The following SPOP variants were observed in gnomAD, a reference collection of about 807,000 sequenced individuals.
SPOP encodes the protein speckle type BTB/POZ protein.
A neutral mutation model predicts 45.6 loss-of-function variants in SPOP; 11 were observed. The ratio of observed to expected loss-of-function variants is 0.24; its 90% CI spans 0.15 to 0.40. The LOEUF is 0.40. Among genes scored for constraint, SPOP ranks in the 10% least tolerant of loss-of-function variants. SPOP has a pLI of 1.00. For synonymous variants in SPOP, 166 were observed against 166.3 expected (o/e 1.00, Z 0.01); for missense variants, 152 against 465.6 (o/e 0.33, Z 6.20).
Position 49,619,322 on chromosome 17 carries a change from C to A in SPOP, c.264G>T (p.Leu88=), listed in dbSNP as rs1294614519. Residue 88 remains leucine, a synonymous_variant, in exon 4 of 10, where the codon CTG becomes CTT. Coordinates refer to ENST00000504102, the MANE Select transcript of SPOP (RefSeq NM_001007228.2). This position sits in a 1 kb window ranked among gnomAD's most constrained non-coding sequence, Gnocchi z 4.9. Reference sequence around the variant, plus strand: ...CACTCTTTGGACAGCTGACCAGTAACAGGTAAAGTGACAGGTAATCTTTGC... The same window carrying A: ...CACTCTTTGGACAGCTGACCAGTAAAAGGTAAAGTGACAGGTAATCTTTGC... ...EESKDYLSLY[L]LLVSCPKSEV... 1 of 1,614,042 alleles carries A rather than the reference C, an allele frequency of 6.2e-7. No homozygotes were observed. Among genetic ancestry groups the A allele is most frequent in the Admixed American group, 1.7e-5 (1 of 60,004 alleles).
At chr17:49,654,178 T>G (rs914180986) in intron 1 of SPOP, among the ~76,000 whole-genome samples, 14 of 152,202 alleles carry the variant, frequency 9.2e-5, no homozygotes, top group African/African-American at 3.4e-4. Context: ...ATCCCCCAAT[T>G]AAATAGGACA....
rs2071758295 is a variant in SPOP, at chr17:49,602,457, G to A, written c.838-450C>T. On this transcript the variant is annotated intron_variant, in intron 8 of 9. Transcript: ENST00000504102. Reference sequence around the variant, plus strand: ...TCTGTGGGGAAGGGTGAAAGAATTGGTGTCTACCCTGTGAAATCCCTTATT... The same window carrying A: ...TCTGTGGGGAAGGGTGAAAGAATTGATGTCTACCCTGTGAAATCCCTTATT... 2 of 156,020 alleles carry A rather than the reference G, an allele frequency of 1.3e-5. 1 individual carries two copies. Among genetic ancestry groups the A allele is most frequent in the South Asian group, 3.9e-4 (2 of 5,120 alleles). 9.7% of individuals were successfully genotyped at this position (156,020 alleles called of 1,614,324 possible).
At chr17:49,643,365 C>T (rs2072694323) in intron 1 of SPOP, among the ~76,000 whole-genome samples, 1 of 152,096 alleles carries the variant, frequency 6.6e-6, no homozygotes, top group African/African-American at 2.4e-5. Flanking sequence ...GAATAAGGCA[C>T]AGTGGATTAA....
chr17:49,603,977 A>C (rs1337955216), intron 8 of SPOP, among the ~76,000 whole-genome samples: 3 of 152,220 alleles, frequency 2.0e-5, no homozygotes, highest in Non-Finnish European at 4.4e-5. Context: ...AAACTAAGGG[A>C]CATGGCAGAA....
chr17:49,646,657 A>G (rs913231152), intron 1 of SPOP: 4 of 152,198 alleles, frequency 2.6e-5, no homozygotes, highest in African/African-American at 9.7e-5. Context: ...GCAGTATTCA[A>G]TGTTTCACAG....
At position 49,600,166 on chromosome 17, in the gene SPOP, G is replaced by A; in HGVS notation, c.*212C>T. Reference sequence around the variant, plus strand: ...TCAGCCAGGCCAAAGGGAACACAGTGACGCAGCAACAGGGTTTTCATTTCA... The same window carrying A: ...TCAGCCAGGCCAAAGGGAACACAGTAACGCAGCAACAGGGTTTTCATTTCA... On this transcript the variant is annotated 3_prime_UTR_variant, in exon 10 of 10. Coordinates refer to ENST00000504102, the MANE Select transcript of SPOP (RefSeq NM_001007228.2). The surrounding 1 kb of genome is among the most constrained non-coding windows in gnomAD (Gnocchi z 4.2). 1 of 660,128 alleles carries A rather than the reference G, an allele frequency of 1.5e-6. No homozygotes were observed. The highest frequency in any genetic ancestry group is 1.8e-5 in the South Asian group (1 of 54,634). The allele number at this position is 660,128 out of a possible 1,614,324, so 40.9% of individuals were successfully genotyped here.
intron 1 of SPOP, among the ~76,000 whole-genome samples, chr17:49,629,723 T>C (rs1233172994): frequency 6.6e-6 from 1 of 152,222 alleles, no homozygotes; most frequent in African/African-American, 2.4e-5. Flanking sequence ...GCAGTCACTT[T>C]TTAAATCTTT....
At chr17:49,615,722 A>G (rs1293839212) in intron 5 of SPOP, among the ~76,000 whole-genome samples, 2 of 152,142 alleles carry the variant, frequency 1.3e-5, no homozygotes, top group African/African-American at 2.4e-5. Flanking sequence ...TGCTCTGTCA[A>G]GAAAACTTGG....
intron 8 of SPOP, among the ~76,000 whole-genome samples, chr17:49,605,612 C>A (rs2071825277): frequency 6.6e-6 from 1 of 152,046 alleles, no homozygotes; most frequent in African/African-American, 2.4e-5. Flanking sequence ...ACTGCTTGAA[C>A]CTGGGAGGCG....
At chr17:49,662,671 G>T (rs1398786349) in intron 1 of SPOP, among the ~76,000 whole-genome samples, 2 of 151,712 alleles carry the variant, frequency 1.3e-5, no homozygotes, top group Non-Finnish European at 2.9e-5. Flanking sequence ...TGGGCGACAG[G>T]GGGAGACTCC....
chr17:49,660,173 T>A (rs903491745), intron 1 of SPOP, among the ~76,000 whole-genome samples: 1 of 152,250 alleles, frequency 6.6e-6, no homozygotes, highest in East Asian at 1.9e-4. Context: ...CCAACCTCTC[T>A]GACCTCATTT....
chr17:49,624,097 TA>T (rs1262540154), intron 1 of SPOP, among the ~76,000 whole-genome samples: 1 of 152,068 alleles, frequency 6.6e-6, no homozygotes, highest in Non-Finnish European at 1.5e-5. Context: ...ACAGCCTTTC[TA>T]AATACCAAAG....
At chr17:49,656,054 C>T (rs1011847350) in intron 1 of SPOP, among the ~76,000 whole-genome samples, 1 of 152,086 alleles carries the variant, frequency 6.6e-6, no homozygotes, top group Non-Finnish European at 1.5e-5. Flanking sequence ...TTAGGTGATC[C>T]ACCTGCCTCA....
intron 1 of SPOP, among the ~76,000 whole-genome samples, chr17:49,633,872 T>C (rs1419948104): frequency 1.3e-5 from 2 of 152,242 alleles, no homozygotes; most frequent in East Asian, 3.9e-4. Flanking sequence ...AAAATTCCTC[T>C]GTCTCCATTT....
intron 8 of SPOP, among the ~76,000 whole-genome samples, chr17:49,606,298 C>G (rs1217647988): frequency 1.3e-5 from 2 of 151,770 alleles, no homozygotes; most frequent in African/African-American, 4.8e-5. Context: ...GGACTATGGG[C>G]GTGCACCATC....
At position 49,619,148 on chromosome 17, in the gene SPOP, A is replaced by C. The variant is rs1035470131; in HGVS notation, c.353-40T>G. 3.7e-6 allele frequency: 6 copies of C among 1,613,332 alleles called. No homozygotes were observed. The highest frequency in any genetic ancestry group is 1.7e-5 in the Admixed American group (1 of 59,790). On this transcript the variant is annotated intron_variant, in intron 4 of 9. Coordinates refer to ENST00000504102, the MANE Select transcript of SPOP (RefSeq NM_001007228.2). The surrounding 1 kb of genome is among the most constrained non-coding windows in gnomAD (Gnocchi z 4.9). The stretch of plus-strand genomic sequence containing the variant: ...AAAAAAGTCATATTTAAGGTTACGC[A>C]AAAACCAGATCAAAGCCACAACTTG...
At chr17:49,671,247 G>T (rs2073131703) in intron 1 of SPOP, among the ~76,000 whole-genome samples, 1 of 151,776 alleles carries the variant, frequency 6.6e-6, no homozygotes, top group South Asian at 2.1e-4. Flanking sequence ...TTAGTTTTTA[G>T]AATTTGGTTC....
At chr17:49,647,478 A>AT (rs2072779771) in intron 1 of SPOP, among the ~76,000 whole-genome samples, 2 of 151,294 alleles carry the variant, frequency 1.3e-5, no homozygotes, top group African/African-American at 4.9e-5. Flanking sequence ...TTTTTTTTAA[A>AT]TTTTTTTATT....
intron 1 of SPOP, among the ~76,000 whole-genome samples, chr17:49,659,599 A>G (rs1312495868): frequency 1.3e-5 from 2 of 152,138 alleles, no homozygotes; most frequent in South Asian, 2.1e-4. Context: ...GCTAGTTTCC[A>G]TATCTCCAGT....
Sources: allele counts gnomAD v4.1 joint callset (sites outside exome capture counted in the v4.1 genomes callset), GRCh38; gene constraint gnomAD v4.1.1; non-coding constraint Gnocchi (gnomAD v3.1); transcripts MANE v1.5; gene names NCBI Gene and HGNC (gene_info 2026-07-23, HGNC 2026-07-21).